The following IFT122 variants were observed in gnomAD, a reference collection of about 807,000 sequenced individuals.
IFT122 encodes intraflagellar transport protein 122 homolog.
A neutral mutation model predicts 161.6 loss-of-function variants in IFT122; 118 were observed. The observed-to-expected ratio is 0.73, with a 90% CI of 0.63 to 0.85. The LOEUF is 0.85. Ranked by LOEUF, IFT122 falls within the 40% of genes least tolerant of loss-of-function variation. The pLI, the probability that IFT122 is intolerant of heterozygous loss-of-function variation, is 0.00. For missense variants in IFT122, 1,381 were observed against 1,579.6 expected, an observed-to-expected ratio of 0.87 and a Z score of 2.13; for synonymous variants, 550 against 602.4, an observed-to-expected ratio of 0.91 and a Z score of 1.27.
chr3:129,510,709 A>G (rs1052766783), intron 23 of IFT122, among the ~76,000 whole-genome samples: 3 of 152,334 alleles, frequency 2.0e-5, no homozygotes, highest in Admixed American at 1.3e-4. Context: ...TCCAGGACCT[A>G]CATGGGACTA....
intron 21 of IFT122, among the ~76,000 whole-genome samples, chr3:129,504,626 C>A (rs993317876): frequency 2.6e-5 from 4 of 152,248 alleles, no homozygotes; most frequent in Admixed American, 1.3e-4. Context: ...GGGCCACACT[C>A]ACTTGCCACA....
In IFT122 at chr3:129,440,373, T is replaced by C; in HGVS notation, c.41+2T>C. The C allele has an allele frequency of 6.5e-7, 1 of 1,550,130 alleles. No individual in the cohort carries two copies. The highest frequency in any genetic ancestry group is 8.7e-7 in the Non-Finnish European group (1 of 1,146,734). On this transcript the variant is annotated splice_donor_variant, in intron 1 of 29. Coordinates refer to ENST00000348417, the MANE Select transcript of IFT122 (RefSeq NM_052989.3). LOFTEE classifies it high-confidence loss of function. ...GTGGAGAGATAAAGCCGAGCACTGG[T>C]GAGGAGCGGGGCGGTTCGCGAAGAG...
rs767927606 is a variant in IFT122, at chr3:129,504,320, C to G, written c.2549C>G (p.Ala850Gly). The change falls in exon 21 of 30, where the codon GCC becomes GGC. Residue 850 changes from alanine (A) to glycine (G), a missense_variant and splice_region_variant. Physicochemically the swap from Ala to Gly is moderately conservative, Grantham distance 60. Coordinates refer to ENST00000348417, the MANE Select transcript of IFT122 (RefSeq NM_052989.3). ...GACTTCATTTGCTCCTTCCCCCAGG[C>G]CTTTGCTTTGGGTGAGAAGCATCCT... ...LHVETQRWDEAFALGEKHPEF... is the reference protein window; with the variant it reads ...LHVETQRWDEGFALGEKHPEF... 3.7e-6 allele frequency: 6 copies of G among 1,612,666 alleles called. No homozygotes were observed. Among genetic ancestry groups the G allele is most frequent in the Non-Finnish European group, 5.1e-6 (6 of 1,178,946 alleles).
rs1210385223 is a variant in IFT122, at chr3:129,464,502, A to G, written c.417-133A>G. The G allele has an allele frequency of 7.8e-6, 8 of 1,028,680 alleles. No homozygotes were observed. The East Asian group carries it at 1.7e-4, about 21-fold the overall frequency. 63.7% of individuals were successfully genotyped at this position (1,028,680 alleles called of 1,614,324 possible). ...CCTCTGACTTTATGTCAGGACCGGC[A>G]ATAATGAAACCATATCCCAGCTGTT... is the stretch of plus-strand genomic sequence containing the variant. On this transcript the variant is annotated intron_variant, in intron 6 of 29. Coordinates refer to ENST00000348417, the MANE Select transcript of IFT122 (RefSeq NM_052989.3).
intron 1 of IFT122, among the ~76,000 whole-genome samples, chr3:129,448,103 A>T (rs1440175365): frequency 6.6e-6 from 1 of 152,130 alleles, no homozygotes; most frequent in Non-Finnish European, 1.5e-5. Flanking sequence ...CCTTTTTCAA[A>T]TATCTTCTTC....
At chr3:129,488,718 G>T (rs113757722) in intron 16 of IFT122, among the ~76,000 whole-genome samples, 1 of 152,026 alleles carries the variant, frequency 6.6e-6, no homozygotes. Context: ...GCTGTTCTCT[G>T]TGGGAAGCAC....
intron 27 of IFT122, among the ~76,000 whole-genome samples, chr3:129,518,204 G>C (rs1182437735): frequency 6.6e-6 from 1 of 152,206 alleles, no homozygotes; most frequent in Non-Finnish European, 1.5e-5. Flanking sequence ...CAGCCTTATA[G>C]CCCCCAGAAA....
chr3:129,502,917 C>T, intron 20 of IFT122, 35 bp downstream of exon 20: 1 of 1,600,846 alleles, frequency 6.2e-7, no homozygotes, highest in Non-Finnish European at 8.5e-7. Context: ...GCTGGGGCCC[C>T]ACCTGAGCCC....
At chr3:129,496,567 A>G (rs1577908779) in intron 18 of IFT122, among the ~76,000 whole-genome samples, 1 of 152,088 alleles carries the variant, frequency 6.6e-6, no homozygotes, top group African/African-American at 2.4e-5. Flanking sequence ...CTGCTTTTCT[A>G]TTCCTGAAGA....
intron 22 of IFT122, 39 bp downstream of exon 22, chr3:129,506,588 C>T (rs1458828882): frequency 6.2e-7 from 1 of 1,613,680 alleles, no homozygotes; most frequent in South Asian, 1.1e-5. Flanking sequence ...TTCCCAAGCC[C>T]CACTCTGACA....
chr3:129,452,339 A>G, intron 3 of IFT122: 1 of 322,872 alleles, frequency 3.1e-6, no homozygotes, highest in East Asian at 7.8e-5. Context: ...AGGTAAATTA[A>G]GTAGTATGCT....
Position 129,478,151 on chromosome 3 carries a change from A to C in IFT122, c.1283A>C (p.Glu428Ala), listed in dbSNP as rs1404898910. Reference protein sequence around the residue: ...DLSDMHYRVKEKIIKKFECNL... With the variant: ...DLSDMHYRVKAKIIKKFECNL... The stretch of plus-strand genomic sequence containing the variant: ...TCAGACATGCATTACCGGGTAAAGG[A>C]GAAGATTATCAAGAAGTTTGAGTGC... The change falls in exon 12 of 30, where the codon GAG (glutamate) becomes GCG (alanine). Residue 428 changes from glutamate (E) to alanine (A), a missense_variant. By Grantham distance (107) the Glu-to-Ala change is moderately radical. Coordinates refer to ENST00000348417, the MANE Select transcript of IFT122 (RefSeq NM_052989.3). 6.2e-7 allele frequency: 1 copy of C among 1,614,198 alleles called. No individual in the cohort carries two copies.
chr3:129,454,822 A>C (rs1051878829), intron 3 of IFT122, among the ~76,000 whole-genome samples: 1 of 152,114 alleles, frequency 6.6e-6, no homozygotes, highest in Non-Finnish European at 1.5e-5. Context: ...TGGCATTTGC[A>C]CAGCACTTTG....
intron 3 of IFT122, among the ~76,000 whole-genome samples, chr3:129,455,036 C>A (rs564027164): frequency 1.3e-4 from 20 of 152,240 alleles, no homozygotes; most frequent in African/African-American, 4.8e-4. Flanking sequence ...TTCATGACAC[C>A]TGTATAATGA....
In IFT122 at chr3:129,492,151, G is replaced by C; in HGVS notation, c.2003G>C (p.Arg668Thr). 2.5e-6 allele frequency: 4 copies of C among 1,612,686 alleles called. No homozygotes were observed. Among genetic ancestry groups the C allele is most frequent in the Non-Finnish European group, 3.4e-6 (4 of 1,178,844 alleles). Residue 668 changes from arginine to threonine, a missense_variant, in exon 17 of 30, where the codon AGA (arginine) becomes ACA (threonine). Arg to Thr is a moderately conservative substitution (Grantham distance 71, BLOSUM62 -1). Around this residue, in one of 7 missense-constraint regions of IFT122, gnomAD observed 496 missense variants for 502.5 expected, o/e 0.99. Coordinates refer to ENST00000348417, the MANE Select transcript of IFT122 (RefSeq NM_052989.3). ...DFETAKKAFI[R>T]VQDLRYLELI... ...ATTTCTTCGCCACAGGCCTTCATCAGAGTACAAGACCTCCGATATTTAGAG... is the reference window on the plus strand; with the variant it reads ...ATTTCTTCGCCACAGGCCTTCATCACAGTACAAGACCTCCGATATTTAGAG...
intron 23 of IFT122, 73 bp from the exon 24 acceptor site, chr3:129,512,239 T>G: frequency 1.0e-6 from 1 of 976,854 alleles, no homozygotes; most frequent in Non-Finnish European, 1.7e-6. Context: ...GAATTATTGG[T>G]GTCTGCCTTT....
intron 9 of IFT122, among the ~76,000 whole-genome samples, chr3:129,471,174 C>T (rs1304805328): frequency 1.3e-5 from 2 of 152,192 alleles, no homozygotes; most frequent in East Asian, 1.9e-4. Context: ...CATCCTTATT[C>T]CTCAAAACAT....
intron 1 of IFT122, among the ~76,000 whole-genome samples, chr3:129,449,385 A>G (rs1207448379): frequency 6.6e-6 from 1 of 152,216 alleles, no homozygotes; most frequent in Non-Finnish European, 1.5e-5. Flanking sequence ...TTTAGAATTG[A>G]TGACATATGG....
At chr3:129,484,577 T>C (rs2079061167) in intron 15 of IFT122, among the ~76,000 whole-genome samples, 1 of 152,218 alleles carries the variant, frequency 6.6e-6, no homozygotes, top group Non-Finnish European at 1.5e-5. Flanking sequence ...AACCTCAGAT[T>C]TACTGTATTC....
Sources: allele counts gnomAD v4.1 joint callset (sites outside exome capture counted in the v4.1 genomes callset), GRCh38; gene constraint gnomAD v4.1.1; regional missense constraint gnomAD v4.1.1; transcripts MANE v1.5; gene names NCBI Gene and HGNC (gene_info 2026-07-23, HGNC 2026-07-21).